Variants in IP6K1 observed in about 807,000 individuals in gnomAD.
The protein encoded by IP6K1 is ATP:1D-myo-inositol-hexakisphosphate phosphotransferase.
Under a neutral mutation model 38.3 loss-of-function variants are expected in IP6K1, and 13 were observed. That is an observed-to-expected ratio of 0.34 (90% confidence interval 0.22 to 0.54). The LOEUF is 0.54. Ranked by LOEUF, IP6K1 falls within the 20% of genes least tolerant of loss-of-function variation. The pLI, the probability that IP6K1 is intolerant of heterozygous loss-of-function variation, is 0.92. For synonymous variants in IP6K1, 212 were observed against 229.9 expected (o/e 0.92, Z 0.70); for missense variants, 397 against 599.8 (o/e 0.66, Z 3.53).
intron 1 of IP6K1, among the ~76,000 whole-genome samples, chr3:49,777,554 C>T (rs2081027944): frequency 6.7e-6 from 1 of 150,234 alleles, no homozygotes. Context: ...CAGAGCGAGA[C>T]TCTATCTCAA....
chr3:49,765,055 T>A (rs2080900064), intron 1 of IP6K1, among the ~76,000 whole-genome samples: 1 of 152,070 alleles, frequency 6.6e-6, no homozygotes, highest in Non-Finnish European at 1.5e-5. Flanking sequence ...TAAACGAGAT[T>A]AACAGCAGAT....
chr3:49,740,256 C>T lies in IP6K1; in HGVS notation c.224-1834G>A, dbSNP rs181660751. On this transcript the variant is annotated intron_variant, in intron 2 of 5. Coordinates refer to ENST00000321599, the MANE Select transcript of IP6K1 (RefSeq NM_153273.4). ...TTTTTTTTTTTTTTTTTTTTGGTAGCGACAAGGCTTGCTATGTTGCCCAGT... is the reference window on the plus strand; with the variant it reads ...TTTTTTTTTTTTTTTTTTTTGGTAGTGACAAGGCTTGCTATGTTGCCCAGT... Among the ~76,000 whole-genome samples the T allele has an allele frequency of 2.7e-3, 316 of 117,356 alleles. 5 individuals carry two copies. The highest frequency in any genetic ancestry group is 0.013 in the Middle Eastern group (2 of 156). 77.0% of individuals were successfully genotyped at this position (117,356 alleles called of 152,430 possible).
At chr3:49,731,695 TG>T (rs1255070787) in intron 4 of IP6K1, among the ~76,000 whole-genome samples, 3 of 152,054 alleles carry the variant, frequency 2.0e-5, no homozygotes, top group African/African-American at 7.2e-5. Context: ...AGTTGTTATT[TG>T]TCTACTACTT....
chr3:49,784,606 T>C (rs541218312), intron 1 of IP6K1, among the ~76,000 whole-genome samples: 41 of 143,048 alleles, frequency 2.9e-4, no homozygotes, highest in African/African-American at 9.7e-4. Context: ...GATTGTGCCA[T>C]TGCACTCCAG....
intron 1 of IP6K1, among the ~76,000 whole-genome samples, chr3:49,758,307 T>TCCA (rs1250208721): frequency 1.4e-5 from 1 of 71,304 alleles, no homozygotes; most frequent in East Asian, 5.6e-4. Context: ...AGAACAAGAC[T>TCCA]CCATCTCAAA....
chr3:49,784,294 G>A (rs549976512), intron 1 of IP6K1, among the ~76,000 whole-genome samples: 36 of 152,188 alleles, frequency 2.4e-4, no homozygotes, highest in African/African-American at 8.7e-4. Flanking sequence ...ACCGCACCTG[G>A]CCTCTTTCAA....
intron 1 of IP6K1, among the ~76,000 whole-genome samples, chr3:49,761,572 C>G (rs1324407778): frequency 6.6e-6 from 1 of 150,430 alleles, no homozygotes; most frequent in Non-Finnish European, 1.5e-5. Flanking sequence ...CAAGATCGTG[C>G]CACTGCACTC....
intron 1 of IP6K1, among the ~76,000 whole-genome samples, chr3:49,760,623 CAAAAAA>C (rs56070382): frequency 1.0e-5 from 1 of 100,374 alleles, no homozygotes; most frequent in Admixed American, 1.1e-4. Context: ...GACTTCGTCT[CAAAAAA>C]AAAAAAAAAA....
chr3:49,739,645 G>A (rs577530820), intron 2 of IP6K1, among the ~76,000 whole-genome samples: 2 of 151,986 alleles, frequency 1.3e-5, no homozygotes, highest in Non-Finnish European at 2.9e-5. Flanking sequence ...GAGCCACCAG[G>A]CCCGGCCTAA....
In IP6K1 at chr3:49,735,711, G is replaced by A. The variant is rs115525359; in HGVS notation, c.434+2501C>T. Among the ~76,000 whole-genome samples, 1,197 of 152,246 alleles carry A rather than the reference G, an allele frequency of 7.9e-3. 18 individuals carry two copies. Among genetic ancestry groups the A allele is most frequent in the African/African-American group, 0.026 (1,094 of 41,538 alleles). On this transcript the variant is annotated intron_variant, in intron 3 of 5. Transcript: ENST00000321599. ...ACCCCACTCAGCCAGTGTCTCATGGGGTACTGTACTTGACATGGGCATGTC... is the reference window on the plus strand; with the variant it reads ...ACCCCACTCAGCCAGTGTCTCATGGAGTACTGTACTTGACATGGGCATGTC...
chr3:49,780,336 A>ACC (rs2081054558), intron 1 of IP6K1, among the ~76,000 whole-genome samples: 1 of 151,892 alleles, frequency 6.6e-6, no homozygotes, highest in Non-Finnish European at 1.5e-5. Context: ...ACACACACAC[A>ACC]CACACAGTCT....
Position 49,731,887 on chromosome 3 carries a change from C to CAAAAAAA in IP6K1, c.616+897_616+903dup, listed in dbSNP as rs71080545. Among the ~76,000 whole-genome samples, 195 of 65,306 alleles carry CAAAAAAA rather than the reference C, an allele frequency of 3.0e-3. 14 individuals carry two copies. Among genetic ancestry groups the CAAAAAAA allele is most frequent in the African/African-American group, 4.3e-3 (84 of 19,746 alleles). 42.8% of individuals were successfully genotyped at this position (65,306 alleles called of 152,430 possible). A position where few individuals can be genotyped will look rare whatever the true frequency, so the allele number is the denominator to read the frequency against. On this transcript the variant is annotated intron_variant, in intron 4 of 5. Transcript: ENST00000321599. ...TGGGTAACAGAGTGAGACTCTGTCT[C>CAAAAAAA]AAAAAAAAAAAAAAAAAAGGAATTC...
At chr3:49,784,059 C>A (rs1486233565) in intron 1 of IP6K1, among the ~76,000 whole-genome samples, 1 of 151,922 alleles carries the variant, frequency 6.6e-6, no homozygotes, top group Non-Finnish European at 1.5e-5. Context: ...CTCTGTCACC[C>A]AGGCTGGAGT....
chr3:49,728,790 T>A (rs2080536127), intron 4 of IP6K1, among the ~76,000 whole-genome samples: 1 of 152,058 alleles, frequency 6.6e-6, no homozygotes, highest in African/African-American at 2.4e-5. Context: ...TTGGCCAGGC[T>A]GGTCTCGAAC....
chr3:49,764,079 G>T (rs1287357678), intron 1 of IP6K1, among the ~76,000 whole-genome samples: 2 of 151,746 alleles, frequency 1.3e-5, no homozygotes, highest in Admixed American at 6.6e-5. Context: ...TTAATAAAGG[G>T]TATTTATGAA....
chr3:49,752,472 G>C (rs964908364), intron 1 of IP6K1, among the ~76,000 whole-genome samples: 1 of 144,486 alleles, frequency 6.9e-6, no homozygotes, highest in African/African-American at 2.5e-5. Flanking sequence ...CTGGGCAACA[G>C]AGCAAGACTC....
chr3:49,727,787 G>C lies in IP6K1; in HGVS notation c.793-132C>G, dbSNP rs1188650562. The C allele has an allele frequency of 4.3e-6, 4 of 926,170 alleles. No homozygotes were observed. The highest frequency in any genetic ancestry group is 6.4e-6 in the Non-Finnish European group (4 of 625,858). The allele number at this position is 926,170 out of a possible 1,614,324, so 57.4% of individuals were successfully genotyped here. ...CTGCTCACCTATCTAAGTGGAACCAGGCAGGCCACATTCACCCTGGGTTTT... is the reference window on the plus strand; with the variant it reads ...CTGCTCACCTATCTAAGTGGAACCACGCAGGCCACATTCACCCTGGGTTTT... On this transcript the variant is annotated intron_variant, in intron 5 of 5. Transcript: ENST00000321599. This position sits in a 1 kb window ranked among gnomAD's most constrained non-coding sequence, Gnocchi z 5.9.
At chr3:49,742,226 A>C (rs781621288) in intron 2 of IP6K1, among the ~76,000 whole-genome samples, 5 of 152,260 alleles carry the variant, frequency 3.3e-5, no homozygotes, top group African/African-American at 9.6e-5. Flanking sequence ...CTTCTTTCTA[A>C]GTCAAATGAA....
At chr3:49,752,109 G>A (rs2080781883) in intron 1 of IP6K1, among the ~76,000 whole-genome samples, 1 of 152,070 alleles carries the variant, frequency 6.6e-6, no homozygotes, top group Non-Finnish European at 1.5e-5. Flanking sequence ...GGGATCAAGG[G>A]ATCCTTTCAC....
Sources: allele counts gnomAD v4.1 joint callset (sites outside exome capture counted in the v4.1 genomes callset), GRCh38; gene constraint gnomAD v4.1.1; non-coding constraint Gnocchi (gnomAD v3.1); transcripts MANE v1.5; gene names NCBI Gene and HGNC (gene_info 2026-07-23, HGNC 2026-07-21).